Variants in TTL observed in about 807,000 individuals in gnomAD.
TTL encodes tubulin--tyrosine ligase.
In TTL, 10 loss-of-function variants were observed where a neutral mutation model predicts 41.1. The ratio of observed to expected loss-of-function variants is 0.24; its 90% CI spans 0.15 to 0.41. The LOEUF (loss-of-function observed/expected upper bound fraction) is 0.41. Ranked by LOEUF, TTL falls within the 10% of genes least tolerant of loss-of-function variation. TTL has a pLI of 1.00. For missense variants in TTL, 367 were observed against 460.4 expected, an observed-to-expected ratio of 0.80 and a Z score of 1.86; for synonymous variants, 175 against 175.5, an observed-to-expected ratio of 1.00 and a Z score of 0.02.
At chr2:112,517,180 T>A (rs1415179942) in intron 5 of TTL, among the ~76,000 whole-genome samples, 4 of 144,862 alleles carry the variant, frequency 2.8e-5, no homozygotes, top group Admixed American at 1.4e-4. Context: ...AAAAAAAAAA[T>A]TAGTTTTGAT....
intron 2 of TTL, among the ~76,000 whole-genome samples, chr2:112,491,512 T>C (rs1022123335): frequency 6.6e-6 from 1 of 152,360 alleles, no homozygotes. Context: ...CAGCTGAAGA[T>C]TGTTCATTTT....
intron 6 of TTL, among the ~76,000 whole-genome samples, chr2:112,525,640 T>C (rs529798399): frequency 2.0e-5 from 3 of 152,346 alleles, no homozygotes; most frequent in Non-Finnish European, 4.4e-5. Flanking sequence ...CAATTTTGTA[T>C]CCTGAGACTT....
At chr2:112,485,768 C>T (rs1389988622) in intron 1 of TTL, 149 bp from the exon 2 acceptor site, 4 of 709,862 alleles carry the variant, frequency 5.6e-6, no homozygotes, top group African/African-American at 5.4e-5. Flanking sequence ...AAGAGGGTCC[C>T]TGGGGACAGA....
At chr2:112,496,889 C>A (rs1004863673) in intron 3 of TTL, among the ~76,000 whole-genome samples, 7 of 151,924 alleles carry the variant, frequency 4.6e-5, no homozygotes, top group African/African-American at 1.7e-4. Context: ...GGTGCCATCT[C>A]AGCTCACTGC....
At position 112,539,796 on chromosome 2, in the gene TTL, C is replaced by T. The variant is rs1412357586; in HGVS notation, c.*11001C>T. 3 of 152,278 alleles carry T rather than the reference C, an allele frequency of 2.0e-5. No individual in the cohort carries two copies. The highest frequency in any genetic ancestry group is 2.9e-5 in the Non-Finnish European group (2 of 68,016). The allele number at this position is 152,278 out of a possible 1,614,324, so 9.4% of individuals were successfully genotyped here. On this transcript the variant is annotated 3_prime_UTR_variant, in exon 7 of 7. Coordinates refer to ENST00000233336, the MANE Select transcript of TTL (RefSeq NM_153712.5). ...GAAAAAGTCCTAAGAAATCCACTTACGCTGTTAGAACTAATAAAGAGTTTA... is the reference window on the plus strand; with the variant it reads ...GAAAAAGTCCTAAGAAATCCACTTATGCTGTTAGAACTAATAAAGAGTTTA...
chr2:112,489,045 C>A (rs1379346446), intron 2 of TTL, among the ~76,000 whole-genome samples: 2 of 152,064 alleles, frequency 1.3e-5, no homozygotes. Context: ...TGAGATCATG[C>A]CATTGCACTC....
chr2:112,540,923 T>C lies in TTL; in HGVS notation c.*12128T>C, dbSNP rs1469473726. The C allele has an allele frequency of 6.6e-6, 1 of 152,202 alleles. No homozygotes were observed. Among genetic ancestry groups the C allele is most frequent in the Non-Finnish European group, 1.5e-5 (1 of 68,044 alleles). 9.4% of individuals were successfully genotyped at this position (152,202 alleles called of 1,614,324 possible). A position where few individuals can be genotyped will look rare whatever the true frequency, so the allele number is the denominator to read the frequency against. On this transcript the variant is annotated 3_prime_UTR_variant, in exon 7 of 7. Transcript: ENST00000233336. The stretch of plus-strand genomic sequence containing the variant: ...TGAAAATCCCCATGATTGAAAAATA[T>C]CTAGTATTTGATAGCACAACAGGGT...
chr2:112,509,057 T>C (rs1681849336), intron 5 of TTL, among the ~76,000 whole-genome samples: 1 of 103,316 alleles, frequency 9.7e-6, no homozygotes, highest in South Asian at 3.5e-4. Context: ...GCTGCAGGTC[T>C]GTTGGAATAC....
chr2:112,531,347 G>A lies in TTL; in HGVS notation c.*2552G>A. 4.4e-6 allele frequency: 1 copy of A among 226,990 alleles called. No individual in the cohort carries two copies. The highest frequency in any genetic ancestry group is 2.2e-5 in the African/African-American group (1 of 45,090). The allele number at this position is 226,990 out of a possible 1,614,324, so 14.1% of individuals were successfully genotyped here. Reference sequence around the variant, plus strand: ...GCAATCATGGTTCTGTCATTTGACTGCACAGTATCAGAGGAGCCTGTTAAC... The same window carrying A: ...GCAATCATGGTTCTGTCATTTGACTACACAGTATCAGAGGAGCCTGTTAAC... On this transcript the variant is annotated 3_prime_UTR_variant, in exon 7 of 7. Coordinates refer to ENST00000233336, the MANE Select transcript of TTL (RefSeq NM_153712.5).
rs1682541979 is a variant in TTL, at chr2:112,533,026, G to A, written c.*4231G>A. ...ACACACCTGAGATGCTTAGTCTTGT[G>A]GATAGAAAGAGTTTCATTAATGCAA... On this transcript the variant is annotated 3_prime_UTR_variant, in exon 7 of 7. Coordinates refer to ENST00000233336, the MANE Select transcript of TTL (RefSeq NM_153712.5). 6.6e-6 allele frequency: 1 copy of A among 152,160 alleles called. No individual in the cohort carries two copies. The highest frequency in any genetic ancestry group is 1.5e-5 in the Non-Finnish European group (1 of 68,028). The allele number at this position is 152,160 out of a possible 1,614,324, so 9.4% of individuals were successfully genotyped here.
chr2:112,501,940 C>A (rs1047397133), intron 4 of TTL, among the ~76,000 whole-genome samples: 1 of 152,000 alleles, frequency 6.6e-6, no homozygotes. Flanking sequence ...AATGTATGGT[C>A]TTGCTCATGG....
chr2:112,494,129 C>G lies in TTL; in HGVS notation c.237-14C>G. 1 of 1,607,032 alleles carries G rather than the reference C, an allele frequency of 6.2e-7. No homozygotes were observed. The highest frequency in any genetic ancestry group is 1.1e-5 in the South Asian group (1 of 90,766). On this transcript the variant is annotated splice_polypyrimidine_tract_variant and intron_variant, in intron 2 of 6. Transcript: ENST00000233336. ...ACTAAGAAGGGAGGCTGATCCTCTT[C>G]TGTCATCTGCCAGGCTAATCAAGAC...
At chr2:112,484,117 T>C (rs1005052430) in intron 1 of TTL, among the ~76,000 whole-genome samples, 6 of 152,186 alleles carry the variant, frequency 3.9e-5, no homozygotes, top group African/African-American at 1.4e-4. Context: ...GTGACTGGCA[T>C]TACCCTGGTG....
At chr2:112,489,469 G>A (rs1344848767) in intron 2 of TTL, among the ~76,000 whole-genome samples, 1 of 152,120 alleles carries the variant, frequency 6.6e-6, no homozygotes, top group Non-Finnish European at 1.5e-5. Context: ...TGAAGCAAAA[G>A]CTTATTTTCA....
At chr2:112,527,161 T>A (rs1409029139) in intron 6 of TTL, among the ~76,000 whole-genome samples, 1 of 152,258 alleles carries the variant, frequency 6.6e-6, no homozygotes, top group East Asian at 1.9e-4. Flanking sequence ...GACAGTTTGT[T>A]ATAATTTCTG....
rs1392028644 is a variant in TTL, at chr2:112,530,675, C to G, written c.*1880C>G. ...CATGCTAACAGAGGTTTGTAATTAT[C>G]TTTTGGACCCAAATTATAGAGACAT... On this transcript the variant is annotated 3_prime_UTR_variant, in exon 7 of 7. Transcript: ENST00000233336. The G allele has an allele frequency of 4.6e-6, 1 of 218,162 alleles. No individual in the cohort carries two copies. The highest frequency in any genetic ancestry group is 6.7e-5 in the East Asian group (1 of 14,940). 13.5% of individuals were successfully genotyped at this position (218,162 alleles called of 1,614,324 possible).
At position 112,494,365 on chromosome 2, in the gene TTL, C is replaced by T. The variant is rs201232298; in HGVS notation, c.459C>T (p.Ala153=). The T allele has an allele frequency of 6.9e-5, 111 of 1,613,634 alleles. No individual in the cohort carries two copies. The highest frequency in any genetic ancestry group is 2.5e-4 in the Admixed American group (15 of 59,988). Residue 153 remains alanine (A), a synonymous_variant, in exon 3 of 7, where the codon GCC becomes GCT. Coordinates refer to ENST00000233336, the MANE Select transcript of TTL (RefSeq NM_153712.5). ...EGNVWIAKSS[A]GAKGEGILIS... ...ACGTTTGGATTGCAAAGTCATCAGCCGGTGCCAAAGGTGAGTTGGCACTGC... is the reference window on the plus strand; with the variant it reads ...ACGTTTGGATTGCAAAGTCATCAGCTGGTGCCAAAGGTGAGTTGGCACTGC...
intron 2 of TTL, among the ~76,000 whole-genome samples, chr2:112,491,432 TA>T (rs1367446374): frequency 1.3e-5 from 2 of 152,378 alleles, no homozygotes; most frequent in African/African-American, 4.8e-5. Context: ...AAATACTTAA[TA>T]TTTTTCAAAT....
In TTL at chr2:112,530,692, TAG is replaced by T. The variant is rs1301651822; in HGVS notation, c.*1901_*1902del. 12 of 214,228 alleles carry T rather than the reference TAG, an allele frequency of 5.6e-5. No homozygotes were observed. The highest frequency in any genetic ancestry group is 2.5e-4 in the African/African-American group (11 of 44,376). 13.3% of individuals were successfully genotyped at this position (214,228 alleles called of 1,614,324 possible). ...GTAATTATCTTTTGGACCCAAATTATAGAGACATTCACGAGTTTTCTAGCCCT... is the reference window on the plus strand; with the variant it reads ...GTAATTATCTTTTGGACCCAAATTATAGACATTCACGAGTTTTCTAGCCCT... On this transcript the variant is annotated 3_prime_UTR_variant, in exon 7 of 7. Coordinates refer to ENST00000233336, the MANE Select transcript of TTL (RefSeq NM_153712.5).
Sources: gnomAD v4.1 joint callset for allele counts (sites outside exome capture counted in the v4.1 genomes callset) on GRCh38, gnomAD v4.1.1 for gene constraint, MANE v1.5 for transcripts, NCBI Gene and HGNC (gene_info 2026-07-23, HGNC 2026-07-21) for gene names.